The following PRICKLE2 variants were observed in gnomAD, a reference collection of about 807,000 sequenced individuals.
PRICKLE2 encodes the protein prickle-like protein 2.
Under a neutral mutation model 81.4 loss-of-function variants are expected in PRICKLE2, and 21 were observed. The ratio of observed to expected loss-of-function variants is 0.26; its 90% confidence interval spans 0.18 to 0.37. PRICKLE2 has a LOEUF of 0.37. Ranked by LOEUF, PRICKLE2 falls within the 10% of genes least tolerant of loss-of-function variation. PRICKLE2 has a pLI of 1.00. For missense variants in PRICKLE2, 940 were observed against 1,109.0 expected (o/e 0.85, Z 2.16); for synonymous variants, 456 against 421.5 (o/e 1.08, Z -1.00).
intron 1 of PRICKLE2, among the ~76,000 whole-genome samples, chr3:64,212,109 G>A (rs2107136973): frequency 6.6e-6 from 1 of 152,246 alleles, no homozygotes; most frequent in African/African-American, 2.4e-5. Context: ...GGCCACTGAT[G>A]GTGTCTCCAT....
chr3:64,234,052 T>C (rs2079145513), intron 2 of PRICKLE2, among the ~76,000 whole-genome samples: 1 of 152,222 alleles, frequency 6.6e-6, no homozygotes, highest in African/African-American at 2.4e-5. Context: ...ATACATCATA[T>C]TCATCTATTC....
At chr3:64,265,431 T>TA (rs1323751427) in intron 2 of PRICKLE2, among the ~76,000 whole-genome samples, 2 of 152,214 alleles carry the variant, frequency 1.3e-5, no homozygotes, top group Non-Finnish European at 2.9e-5. Context: ...TATATTCACC[T>TA]AGCGCTCTCC....
intron 2 of PRICKLE2, among the ~76,000 whole-genome samples, chr3:64,235,753 A>G (rs896513582): frequency 6.6e-6 from 1 of 152,164 alleles, no homozygotes; most frequent in African/African-American, 2.4e-5. Flanking sequence ...ATTGTTCCAC[A>G]GTCTGATCTG....
intron 7 of PRICKLE2, chr3:64,100,815 C>G (rs570408756): frequency 2.0e-5 from 3 of 152,302 alleles, no homozygotes; most frequent in Admixed American, 2.0e-4. Context: ...AGGCAGAGCT[C>G]TCTAAGGAGA....
intron 7 of PRICKLE2, among the ~76,000 whole-genome samples, chr3:64,132,684 C>T (rs898977162): frequency 2.6e-5 from 4 of 152,158 alleles, no homozygotes; most frequent in African/African-American, 9.7e-5. Flanking sequence ...TTTGTTTCCA[C>T]AAAGATCTTG....
intron 1 of PRICKLE2, among the ~76,000 whole-genome samples, chr3:64,221,458 C>T (rs898016840): frequency 1.2e-4 from 18 of 149,416 alleles, no homozygotes; most frequent in South Asian, 2.1e-4. Flanking sequence ...CACACACACA[C>T]GCACACACAC....
intron 7 of PRICKLE2, among the ~76,000 whole-genome samples, chr3:64,135,457 A>G (rs1260810423): frequency 1.3e-5 from 2 of 152,166 alleles, no homozygotes; most frequent in Admixed American, 6.5e-5. Flanking sequence ...GGATGGGGGA[A>G]TTCTGGATGA....
At position 64,183,762 on chromosome 3, in the gene PRICKLE2, G is replaced by A. The variant is rs1425332654; in HGVS notation, c.144+15022C>T. 2.6e-5 allele frequency among the ~76,000 whole-genome samples: 4 copies of A among 152,190 alleles called. No homozygotes were observed. The South Asian group carries it at 8.3e-4, about 31-fold the overall frequency. Reference sequence around the variant, plus strand: ...ATCTTTACAATCCAAATGGGAAATAGAAGCTAGAAGATGCAAAGAAACTTG... The same window carrying A: ...ATCTTTACAATCCAAATGGGAAATAAAAGCTAGAAGATGCAAAGAAACTTG... On this transcript the variant is annotated intron_variant, in intron 2 of 7. Coordinates refer to ENST00000638394, the MANE Select transcript of PRICKLE2 (RefSeq NM_198859.4).
chr3:64,166,207 A>G (rs1328094287), intron 2 of PRICKLE2, among the ~76,000 whole-genome samples: 1 of 152,062 alleles, frequency 6.6e-6, no homozygotes, highest in Non-Finnish European at 1.5e-5. Context: ...TTCCCACAGC[A>G]CTTGAGTTTG....
intron 1 of PRICKLE2, among the ~76,000 whole-genome samples, chr3:64,223,029 A>G (rs1245882914): frequency 6.6e-6 from 1 of 152,172 alleles, no homozygotes; most frequent in Non-Finnish European, 1.5e-5. Context: ...CAACTCAATC[A>G]ATAGGGTGGA....
At chr3:64,141,009 T>C (rs149558754) in intron 7 of PRICKLE2, among the ~76,000 whole-genome samples, 1 of 152,350 alleles carries the variant, frequency 6.6e-6, no homozygotes, top group East Asian at 1.9e-4. Context: ...TCGCCATCTG[T>C]GGCGACTACA....
chr3:64,143,688 G>C (rs1244707818), intron 7 of PRICKLE2, among the ~76,000 whole-genome samples: 5 of 152,218 alleles, frequency 3.3e-5, no homozygotes, highest in Admixed American at 6.5e-5. Context: ...CCTCTGTAGA[G>C]TTCTGATGCA....
chr3:64,116,987 A>C (rs2106960957), intron 7 of PRICKLE2, among the ~76,000 whole-genome samples: 1 of 152,364 alleles, frequency 6.6e-6, no homozygotes, highest in Non-Finnish European at 1.5e-5. Context: ...CACATCAAAA[A>C]GCTTATCCAC....
chr3:64,236,227 G>C (rs2107165961), intron 2 of PRICKLE2, among the ~76,000 whole-genome samples: 1 of 152,210 alleles, frequency 6.6e-6, no homozygotes, highest in East Asian at 1.9e-4. Context: ...TGTTTGACTT[G>C]TTTATGCTGC....
rs972594765 is a variant in PRICKLE2, at chr3:64,099,951, G to C, written c.1661-26C>G. The stretch of plus-strand genomic sequence containing the variant: ...CTGGGGAAGAGAGGAGGGGACCACA[G>C]AGATTAATACAGATGTGCAGCAATG... On this transcript the variant is annotated intron_variant, in intron 7 of 7. Coordinates refer to ENST00000638394, the MANE Select transcript of PRICKLE2 (RefSeq NM_198859.4). The surrounding 1 kb of genome is among the most constrained non-coding windows in gnomAD (Gnocchi z 4.3). The C allele has an allele frequency of 1.1e-5, 18 of 1,612,578 alleles. No homozygotes were observed. Among genetic ancestry groups the C allele is most frequent in the Middle Eastern group, 1.7e-4 (1 of 6,040 alleles).
chr3:64,245,819 G>C (rs992443542), intron 2 of PRICKLE2, among the ~76,000 whole-genome samples: 3 of 152,194 alleles, frequency 2.0e-5, no homozygotes, highest in African/African-American at 2.4e-5. Context: ...GGAGTGAAAG[G>C]ACCAGGTGTC....
intron 5 of PRICKLE2, among the ~76,000 whole-genome samples, chr3:64,155,980 C>T (rs916683029): frequency 6.6e-6 from 1 of 152,180 alleles, no homozygotes; most frequent in Non-Finnish European, 1.5e-5. Flanking sequence ...CTAAAATCCA[C>T]TGAATTATTT....
intron 7 of PRICKLE2, among the ~76,000 whole-genome samples, chr3:64,141,149 A>G (rs998817352): frequency 6.6e-6 from 1 of 152,256 alleles, no homozygotes; most frequent in Non-Finnish European, 1.5e-5. Flanking sequence ...CCAGTGGTCT[A>G]TTATGATTAT....
chr3:64,199,300 C>A (rs889830804), intron 1 of PRICKLE2: 1 of 426,626 alleles, frequency 2.3e-6, no homozygotes, highest in Non-Finnish European at 4.2e-6. Flanking sequence ...TGGATATGGC[C>A]CATGACCACA....
Sources: allele counts gnomAD v4.1 joint callset (sites outside exome capture counted in the v4.1 genomes callset), GRCh38; gene constraint gnomAD v4.1.1; non-coding constraint Gnocchi (gnomAD v3.1); transcripts MANE v1.5; gene names NCBI Gene and HGNC (gene_info 2026-07-23, HGNC 2026-07-21).